LRMDA: variants seen among roughly 807,000 people sequenced by gnomAD.
LRMDA encodes the protein leucine rich melanocyte differentiation associated.
Under a neutral mutation model 29.8 loss-of-function variants are expected in LRMDA, and 18 were observed. That is an observed-to-expected ratio of 0.60 (90% CI 0.42 to 0.90). The LOEUF (loss-of-function observed/expected upper bound fraction) is 0.90. Ranked by LOEUF, LRMDA falls within the 40% of genes least tolerant of loss-of-function variation. The pLI, the probability that LRMDA is intolerant of heterozygous loss-of-function variation, is 0.00. For missense variants in LRMDA, 273 were observed against 273.9 expected (o/e 1.00, Z 0.02); for synonymous variants, 125 against 109.4 (o/e 1.14, Z -0.89).
chr10:76,210,973 CT>C (rs948305198), intron 5 of LRMDA, among the ~76,000 whole-genome samples: 1 of 152,162 alleles, frequency 6.6e-6, no homozygotes, highest in Admixed American at 6.5e-5. Context: ...ATGTGATAGC[CT>C]TTTTAACCTC....
intron 6 of LRMDA, among the ~76,000 whole-genome samples, chr10:76,541,905 A>G (rs1270972307): frequency 1.3e-5 from 2 of 152,206 alleles, no homozygotes; most frequent in South Asian, 2.1e-4. Flanking sequence ...TAAATGCTCA[A>G]TTCCTAAGGA....
chr10:76,367,731 A>G (rs1405468225), intron 6 of LRMDA, among the ~76,000 whole-genome samples: 1 of 152,122 alleles, frequency 6.6e-6, no homozygotes, highest in Non-Finnish European at 1.5e-5. Flanking sequence ...TACAGGTGTG[A>G]GCCACCGCGC....
chr10:76,347,605 G>C (rs112023054), intron 6 of LRMDA, among the ~76,000 whole-genome samples: 7 of 152,184 alleles, frequency 4.6e-5, no homozygotes, highest in African/African-American at 1.7e-4. Flanking sequence ...TGCCTCTGGG[G>C]AAAATAGACC....
At chr10:76,419,421 A>T (rs1842051241) in intron 6 of LRMDA, among the ~76,000 whole-genome samples, 1 of 152,040 alleles carries the variant, frequency 6.6e-6, no homozygotes, top group Non-Finnish European at 1.5e-5. Context: ...ACTTGATAGC[A>T]TGTTTCCTTT....
At chr10:75,867,733 T>G (rs1043052827) in intron 2 of LRMDA, among the ~76,000 whole-genome samples, 5 of 152,234 alleles carry the variant, frequency 3.3e-5, no homozygotes, top group African/African-American at 1.2e-4. Flanking sequence ...TTTTCTCCTG[T>G]GATTCCCCTT....
intron 2 of LRMDA, among the ~76,000 whole-genome samples, chr10:75,597,510 C>T (rs1006361018): frequency 3.3e-5 from 5 of 152,030 alleles, no homozygotes; most frequent in Non-Finnish European, 5.9e-5. Context: ...GTTTAAATAC[C>T]GTAAAAAGCC....
chr10:76,111,620 C>A (rs1388711068), intron 5 of LRMDA, among the ~76,000 whole-genome samples: 1 of 152,234 alleles, frequency 6.6e-6, no homozygotes, highest in Non-Finnish European at 1.5e-5. Flanking sequence ...TAGAAAAAGA[C>A]ATTAGGCACC....
rs562230608 is a variant in LRMDA at position 75,804,757 on chromosome 10, TAG to T, written c.132-231250_132-231249del. 7.2e-5 allele frequency among the ~76,000 whole-genome samples: 11 copies of T among 152,334 alleles called. No individual in the cohort carries two copies. The South Asian group carries it at 2.3e-3, about 32-fold the overall frequency. The stretch of plus-strand genomic sequence containing the variant: ...GCTGGCAGCAGCCCACATTTGCAGG[TAG>T]GGAAGATAGATGGCTCTAAAATGGC... On this transcript the variant is annotated intron_variant, in intron 2 of 6. Coordinates refer to ENST00000611255, the MANE Select transcript of LRMDA (RefSeq NM_001305581.2).
At chr10:76,093,441 T>C (rs1211140326) in intron 5 of LRMDA, among the ~76,000 whole-genome samples, 3 of 152,078 alleles carry the variant, frequency 2.0e-5, no homozygotes, top group Non-Finnish European at 4.4e-5. Context: ...GTGTCCCTTA[T>C]ATCTCTCTTT....
intron 2 of LRMDA, among the ~76,000 whole-genome samples, chr10:75,886,771 C>T (rs1380668663): frequency 6.6e-6 from 1 of 152,176 alleles, no homozygotes; most frequent in Non-Finnish European, 1.5e-5. Context: ...CGGAAGGTGA[C>T]TCTAGCTATC....
At chr10:75,645,660 C>T (rs897760849) in intron 2 of LRMDA, among the ~76,000 whole-genome samples, 4 of 151,872 alleles carry the variant, frequency 2.6e-5, no homozygotes, top group African/African-American at 7.3e-5. Context: ...AAGGGGTGGA[C>T]GCAGGCGGGA....
Position 76,256,747 on chromosome 10 carries a change from A to G in LRMDA, c.517-67654A>G, listed in dbSNP as rs189692540. Among the ~76,000 whole-genome samples the G allele has an allele frequency of 5.9e-4, 90 of 152,272 alleles. No individual in the cohort carries two copies. The South Asian group carries it at 6.6e-3, about 11-fold the overall frequency. Reference sequence around the variant, plus strand: ...TATTTATTACATTTTAACACACTTAAAAGTTTATCTTTTAAGACACATCGT... The same window carrying G: ...TATTTATTACATTTTAACACACTTAGAAGTTTATCTTTTAAGACACATCGT... On this transcript the variant is annotated intron_variant, in intron 5 of 6. Coordinates refer to ENST00000611255, the MANE Select transcript of LRMDA (RefSeq NM_001305581.2).
chr10:76,404,874 A>G (rs552133552), intron 6 of LRMDA, among the ~76,000 whole-genome samples: 1 of 152,342 alleles, frequency 6.6e-6, no homozygotes, highest in East Asian at 1.9e-4. Flanking sequence ...CAGCAGGGAT[A>G]CAAACAGGGA....
At position 75,512,699 on chromosome 10, in the gene LRMDA, G is replaced by A. The variant is rs117421031; in HGVS notation, c.131+74205G>A. 2.1e-4 allele frequency among the ~76,000 whole-genome samples: 32 copies of A among 152,224 alleles called. No homozygotes were observed. In the East Asian group the frequency reaches 3.9e-3, roughly 18 times the overall value. ...TGGGCGGAGGAGCAGCAGCGGCTGC[G>A]GTGGGAATGATTTGCATCTCTCTCT... On this transcript the variant is annotated intron_variant, in intron 2 of 6. Transcript: ENST00000611255.
chr10:75,748,130 G>A (rs1305230214), intron 2 of LRMDA, among the ~76,000 whole-genome samples: 1 of 151,784 alleles, frequency 6.6e-6, no homozygotes, highest in Non-Finnish European at 1.5e-5. Flanking sequence ...TTCTGCTCTT[G>A]TTGCCCAGGC....
intron 2 of LRMDA, among the ~76,000 whole-genome samples, chr10:75,606,699 C>T (rs1392241412): frequency 2.6e-5 from 4 of 152,130 alleles, no homozygotes; most frequent in Non-Finnish European, 5.9e-5. Flanking sequence ...TTGAGTAAGT[C>T]GATTGGCATG....
At chr10:75,483,233 CA>C (rs1844872771) in intron 2 of LRMDA, among the ~76,000 whole-genome samples, 1 of 152,160 alleles carries the variant, frequency 6.6e-6, no homozygotes, top group African/African-American at 2.4e-5. Flanking sequence ...AGGTGTGAGC[CA>C]CCACACCCCA....
intron 2 of LRMDA, among the ~76,000 whole-genome samples, chr10:75,705,036 G>A (rs1320678688): frequency 1.3e-5 from 2 of 152,224 alleles, no homozygotes; most frequent in East Asian, 3.8e-4. Flanking sequence ...ATTGGGGGCT[G>A]GGAGTGGGAT....
intron 2 of LRMDA, among the ~76,000 whole-genome samples, chr10:75,632,585 A>C (rs1841337322): frequency 6.6e-6 from 1 of 152,000 alleles, no homozygotes; most frequent in African/African-American, 2.4e-5. Flanking sequence ...TCAGACTCTC[A>C]CCTGAGTTAT....
Sources: gnomAD v4.1 joint callset for allele counts (sites outside exome capture counted in the v4.1 genomes callset) on GRCh38, gnomAD v4.1.1 for gene constraint, MANE v1.5 for transcripts, NCBI Gene and HGNC (gene_info 2026-07-23, HGNC 2026-07-21) for gene names.